The following ZBTB8B variants were observed in gnomAD, a reference collection of about 807,000 sequenced individuals.
ZBTB8B encodes zinc finger and BTB domain containing 8B.
ZBTB8B carries 17 observed loss-of-function variants against 30.3 expected under a neutral mutation model. That is an observed-to-expected ratio of 0.56 (90% CI 0.38 to 0.84). ZBTB8B has a LOEUF of 0.84. Ranked by LOEUF, ZBTB8B falls within the 40% of genes least tolerant of loss-of-function variation. ZBTB8B has a pLI of 0.00. For missense variants in ZBTB8B, 515 were observed against 644.9 expected, an observed-to-expected ratio of 0.80 and a Z score of 2.18; for synonymous variants, 248 against 255.6, an observed-to-expected ratio of 0.97 and a Z score of 0.28.
chr1:32,477,004 C>T (rs1456215336), intron 2 of ZBTB8B, among the ~76,000 whole-genome samples: 2 of 152,082 alleles, frequency 1.3e-5, no homozygotes, highest in Non-Finnish European at 2.9e-5. Flanking sequence ...CCCTTCCTTG[C>T]CCTCATTCCT....
Position 32,490,282 on chromosome 1 carries a change from C to A in ZBTB8B, c.*4864C>A, listed in dbSNP as rs551379778. ...CTCTGTTTTGAGCATTCCCACTGTG[C>A]TTCCTGTTGTTGCTGGTCTCTTGTA... is the stretch of plus-strand genomic sequence containing the variant. On this transcript the variant is annotated 3_prime_UTR_variant, in exon 4 of 4. Coordinates refer to ENST00000609129, the MANE Select transcript of ZBTB8B (RefSeq NM_001145720.2). 2.0e-5 allele frequency: 3 copies of A among 152,332 alleles called. No homozygotes were observed. Among genetic ancestry groups the A allele is most frequent in the Admixed American group, 1.3e-4 (2 of 15,272 alleles). The allele number at this position is 152,332 out of a possible 1,614,324, so 9.4% of individuals were successfully genotyped here. A position where few individuals can be genotyped will look rare whatever the true frequency, so the allele number is the denominator to read the frequency against.
At chr1:32,483,600 C>T (rs1019285930) in intron 3 of ZBTB8B, among the ~76,000 whole-genome samples, 1 of 151,940 alleles carries the variant, frequency 6.6e-6, no homozygotes. Flanking sequence ...ATGTGAATGA[C>T]GAGTTAATGG....
intron 2 of ZBTB8B, 143 bp downstream of exon 2, chr1:32,471,758 A>G: frequency 3.3e-6 from 3 of 901,326 alleles, no homozygotes; most frequent in African/African-American, 1.7e-5. Context: ...CAGTACCATC[A>G]TCATTACCAT....
In ZBTB8B at chr1:32,469,819, A is replaced by T. The variant is rs1242906751; in HGVS notation, c.-41-765A>T. 2.0e-5 allele frequency among the ~76,000 whole-genome samples: 3 copies of T among 152,196 alleles called. No individual in the cohort carries two copies. In the South Asian group the frequency reaches 6.2e-4, roughly 31 times the overall value. On this transcript the variant is annotated intron_variant, in intron 1 of 3. Transcript: ENST00000609129. The stretch of plus-strand genomic sequence containing the variant: ...ACTGTGCTCACATGCAATTAGCTAT[A>T]GTTATTTTTTTCCATAAATTAACCC...
At chr1:32,468,500 C>T (rs1643590223) in intron 1 of ZBTB8B, among the ~76,000 whole-genome samples, 1 of 152,126 alleles carries the variant, frequency 6.6e-6, no homozygotes, top group Admixed American at 6.5e-5. Context: ...ATGGCACCAG[C>T]TTTATGCAAA....
chr1:32,480,290 T>C (rs1178601876), intron 2 of ZBTB8B, among the ~76,000 whole-genome samples: 1 of 143,186 alleles, frequency 7.0e-6, no homozygotes, highest in Non-Finnish European at 1.5e-5. Flanking sequence ...GTGAGAGGAA[T>C]GGTGGGGGGT....
At chr1:32,476,037 C>G (rs556228431) in intron 2 of ZBTB8B, among the ~76,000 whole-genome samples, 12 of 152,188 alleles carry the variant, frequency 7.9e-5, no homozygotes, top group Non-Finnish European at 1.2e-4. Flanking sequence ...AGGCTGGTCT[C>G]AAACTCCTGA....
intron 1 of ZBTB8B, among the ~76,000 whole-genome samples, chr1:32,470,194 T>TA (rs993330988): frequency 6.6e-6 from 1 of 152,152 alleles, no homozygotes; most frequent in African/African-American, 2.4e-5. Context: ...AAAAGTTGTT[T>TA]AAAATTTTTA....
intron 2 of ZBTB8B, among the ~76,000 whole-genome samples, chr1:32,472,289 G>A (rs1281403034): frequency 6.6e-6 from 1 of 152,244 alleles, no homozygotes; most frequent in Admixed American, 6.5e-5. Context: ...CTAACCGGCA[G>A]TGGGACCTTG....
rs964067441 is a variant in ZBTB8B at position 32,492,483 on chromosome 1, AG to A, written c.*7066del. 6.6e-6 allele frequency: 1 copy of A among 152,140 alleles called. No homozygotes were observed. Among genetic ancestry groups the A allele is most frequent in the Non-Finnish European group, 1.5e-5 (1 of 68,294 alleles). The allele number at this position is 152,140 out of a possible 1,614,324, so 9.4% of individuals were successfully genotyped here. ...ACGCCCGGCTAATTTTTGTATTTTT[AG>A]TAGAGATAGGGTTTCACCATGTTGG... On this transcript the variant is annotated 3_prime_UTR_variant, in exon 4 of 4. Transcript: ENST00000609129.
intron 3 of ZBTB8B, among the ~76,000 whole-genome samples, chr1:32,483,880 C>T (rs1166415654): frequency 6.6e-6 from 1 of 150,776 alleles, no homozygotes; most frequent in Non-Finnish European, 1.5e-5. Flanking sequence ...GCTTGGGCAA[C>T]ATAGCAAGAT....
At chr1:32,479,992 A>G (rs186309204) in intron 2 of ZBTB8B, among the ~76,000 whole-genome samples, 1 of 152,330 alleles carries the variant, frequency 6.6e-6, no homozygotes, top group Non-Finnish European at 1.5e-5. Flanking sequence ...ATTCTTAGGA[A>G]CTACTGTCCA....
chr1:32,477,630 G>A (rs945355846), intron 2 of ZBTB8B, among the ~76,000 whole-genome samples: 1 of 151,834 alleles, frequency 6.6e-6, no homozygotes, highest in Non-Finnish European at 1.5e-5. Flanking sequence ...GCTGGGTGCT[G>A]TGGCTCACAC....
intron 3 of ZBTB8B, among the ~76,000 whole-genome samples, chr1:32,483,751 A>G (rs1036444712): frequency 6.7e-6 from 1 of 148,522 alleles, no homozygotes; most frequent in African/African-American, 2.5e-5. Flanking sequence ...AATGAGAGGG[A>G]AAAAAAAAAC....
At chr1:32,482,513 A>G (rs1163383438) in intron 3 of ZBTB8B, among the ~76,000 whole-genome samples, 1 of 151,804 alleles carries the variant, frequency 6.6e-6, no homozygotes. Context: ...TCTACTAAAA[A>G]TACAAAAATT....
chr1:32,493,037 T>C lies in ZBTB8B; in HGVS notation c.*7619T>C, dbSNP rs902418389. ...ATTGCCTTTTCTCAAACATGGTGGC[T>C]TTGGTCACTAACAGTGTTTAAATTA... is the stretch of plus-strand genomic sequence containing the variant. On this transcript the variant is annotated 3_prime_UTR_variant, in exon 4 of 4. Coordinates refer to ENST00000609129, the MANE Select transcript of ZBTB8B (RefSeq NM_001145720.2). 6.6e-6 allele frequency: 1 copy of C among 152,228 alleles called. No homozygotes were observed. Among genetic ancestry groups the C allele is most frequent in the Non-Finnish European group, 1.5e-5 (1 of 68,042 alleles). The allele number at this position is 152,228 out of a possible 1,614,324, so 9.4% of individuals were successfully genotyped here. A position where few individuals can be genotyped will look rare whatever the true frequency, so the allele number is the denominator to read the frequency against.
At chr1:32,472,015 C>T (rs986697050) in intron 2 of ZBTB8B, among the ~76,000 whole-genome samples, 1 of 151,160 alleles carries the variant, frequency 6.6e-6, no homozygotes, top group Non-Finnish European at 1.5e-5. Flanking sequence ...ATCATCATCA[C>T]TACCATCATC....
At chr1:32,468,430 A>G (rs1456164543) in intron 1 of ZBTB8B, among the ~76,000 whole-genome samples, 2 of 152,224 alleles carry the variant, frequency 1.3e-5, no homozygotes, top group Non-Finnish European at 2.9e-5. Flanking sequence ...CTGTGGTCAC[A>G]GGGTGGGATG....
At position 32,491,466 on chromosome 1, in the gene ZBTB8B, A is replaced by G. The variant is rs1643779088; in HGVS notation, c.*6048A>G. 6.6e-6 allele frequency: 1 copy of G among 152,230 alleles called. No individual in the cohort carries two copies. Among genetic ancestry groups the G allele is most frequent in the Non-Finnish European group, 1.5e-5 (1 of 68,056 alleles). 9.4% of individuals were successfully genotyped at this position (152,230 alleles called of 1,614,324 possible). ...TCAGATTCACTTAAAAGGATATAGAATGGGAAGCACTGCTTACTAGCAAGG... is the reference window on the plus strand; with the variant it reads ...TCAGATTCACTTAAAAGGATATAGAGTGGGAAGCACTGCTTACTAGCAAGG... On this transcript the variant is annotated 3_prime_UTR_variant, in exon 4 of 4. Coordinates refer to ENST00000609129, the MANE Select transcript of ZBTB8B (RefSeq NM_001145720.2).
Sources: gnomAD v4.1 joint callset for allele counts (sites outside exome capture counted in the v4.1 genomes callset) on GRCh38, gnomAD v4.1.1 for gene constraint, MANE v1.5 for transcripts, NCBI Gene and HGNC (gene_info 2026-07-23, HGNC 2026-07-21) for gene names.